Variants in TTC28 observed in about 807,000 individuals in gnomAD.
TTC28 encodes the protein tetratricopeptide repeat domain 28, also known as tetratricopeptide repeat protein 28.
Under a neutral mutation model 198.0 loss-of-function variants are expected in TTC28, and 61 were observed. The observed-to-expected ratio is 0.31, with a 90% CI of 0.25 to 0.38. TTC28 has a LOEUF of 0.38. TTC28 is among the 10% of genes least tolerant of loss of function. The pLI, the probability that TTC28 is intolerant of heterozygous loss-of-function variation, is 1.00. For missense variants in TTC28, 2,678 were observed against 3,164.0 expected (o/e 0.85, Z 3.69); for synonymous variants, 1,171 against 1,297.8 (o/e 0.90, Z 2.10).
chr22:28,347,732 T>G (rs774032262), intron 2 of TTC28, among the ~76,000 whole-genome samples: 4 of 152,002 alleles, frequency 2.6e-5, no homozygotes, highest in Non-Finnish European at 4.4e-5. Flanking sequence ...ATTAGCCAGG[T>G]GTGGTGGCAG....
chr22:28,144,660 G>A (rs1258403756), intron 6 of TTC28, among the ~76,000 whole-genome samples: 1 of 152,226 alleles, frequency 6.6e-6, no homozygotes, highest in Non-Finnish European at 1.5e-5. Context: ...GGCTTGCTAT[G>A]TGCTAAGCAC....
intron 2 of TTC28, among the ~76,000 whole-genome samples, chr22:28,407,149 C>T (rs1047145705): frequency 2.0e-5 from 3 of 152,034 alleles, no homozygotes; most frequent in African/African-American, 4.8e-5. Flanking sequence ...TTAAAAAAAG[C>T]GGGGACACAA....
chr22:28,663,613 A>G (rs1386439438), intron 1 of TTC28, among the ~76,000 whole-genome samples: 1 of 121,712 alleles, frequency 8.2e-6, no homozygotes. Context: ...GCGCACCACG[A>G]GACTATATCC....
intron 5 of TTC28, among the ~76,000 whole-genome samples, chr22:28,218,020 A>G (rs1370146956): frequency 6.6e-6 from 1 of 152,198 alleles, no homozygotes; most frequent in Non-Finnish European, 1.5e-5. Flanking sequence ...TGAAATATAT[A>G]TTTTTAAAAA....
At chr22:28,298,770 C>G (rs575388718) in intron 3 of TTC28, among the ~76,000 whole-genome samples, 3 of 152,034 alleles carry the variant, frequency 2.0e-5, no homozygotes, top group Non-Finnish European at 4.4e-5. Flanking sequence ...TGAATCTGAA[C>G]GACAGATTAA....
At chr22:27,984,808 A>G (rs1937155292) in intron 22 of TTC28, among the ~76,000 whole-genome samples, 1 of 152,150 alleles carries the variant, frequency 6.6e-6, no homozygotes, top group African/African-American at 2.4e-5. Context: ...GCAAACCATA[A>G]CCACCTTCCA....
chr22:28,516,669 T>C (rs2048793304), intron 2 of TTC28, among the ~76,000 whole-genome samples: 1 of 152,116 alleles, frequency 6.6e-6, no homozygotes, highest in Non-Finnish European at 1.5e-5. Context: ...AAATGATTAG[T>C]CGATGGGTGC....
At chr22:28,529,848 G>A (rs950543161) in intron 2 of TTC28, among the ~76,000 whole-genome samples, 1 of 152,134 alleles carries the variant, frequency 6.6e-6, no homozygotes, top group Admixed American at 6.6e-5. Context: ...GGTCCTGACT[G>A]TTAGAAGGAA....
In TTC28 at chr22:28,270,425, C is replaced by G. The variant is rs1269393542; in HGVS notation, c.933+25773G>C. 6.6e-5 allele frequency among the ~76,000 whole-genome samples: 10 copies of G among 152,050 alleles called. No homozygotes were observed. In the East Asian group the frequency reaches 1.9e-3, roughly 29 times the overall value. ...TATTAAATAGTAGCAATCCCTAGATCAGACATTGCCTAACAAATGTGCTTT... is the reference window on the plus strand; with the variant it reads ...TATTAAATAGTAGCAATCCCTAGATGAGACATTGCCTAACAAATGTGCTTT... On this transcript the variant is annotated intron_variant, in intron 5 of 22. Coordinates refer to ENST00000397906, the MANE Select transcript of TTC28 (RefSeq NM_001145418.2).
chr22:28,326,975 AAC>A (rs57349023), intron 2 of TTC28, among the ~76,000 whole-genome samples: 40,329 of 142,542 alleles, frequency 0.28, 5,760 homozygotes, highest in Non-Finnish European at 0.34. Flanking sequence ...CACAAACACA[AAC>A]ACACACACAC....
intron 5 of TTC28, among the ~76,000 whole-genome samples, chr22:28,223,915 G>A (rs1221471422): frequency 1.3e-5 from 2 of 152,182 alleles, no homozygotes; most frequent in African/African-American, 4.8e-5. Context: ...CCACGAGACT[G>A]ACTAATATTT....
intron 2 of TTC28, among the ~76,000 whole-genome samples, chr22:28,345,980 G>C (rs996470503): frequency 6.6e-5 from 10 of 152,174 alleles, no homozygotes; most frequent in African/African-American, 2.4e-4. Flanking sequence ...TCAGTCTTCA[G>C]AGTAGAAGTT....
chr22:28,474,511 C>G (rs1286570831), intron 2 of TTC28, among the ~76,000 whole-genome samples: 2 of 152,088 alleles, frequency 1.3e-5, no homozygotes, highest in African/African-American at 2.4e-5. Flanking sequence ...TGGGAGATAC[C>G]AGGTGTGGTT....
chr22:28,257,189 T>C (rs960502710), intron 5 of TTC28, among the ~76,000 whole-genome samples: 13 of 152,156 alleles, frequency 8.5e-5, no homozygotes, highest in Non-Finnish European at 1.3e-4. Flanking sequence ...GGGCAGAGTA[T>C]GGAAATTCCT....
At chr22:28,587,072 A>G (rs779919725) in intron 2 of TTC28, among the ~76,000 whole-genome samples, 35 of 152,146 alleles carry the variant, frequency 2.3e-4, no homozygotes, top group Non-Finnish European at 4.1e-4. Context: ...AAATACAAAA[A>G]TTAGCCGGGT....
intron 5 of TTC28, among the ~76,000 whole-genome samples, chr22:28,251,660 A>C (rs1248512832): frequency 6.6e-6 from 1 of 152,208 alleles, no homozygotes; most frequent in Non-Finnish European, 1.5e-5. Flanking sequence ...CGATTTATTT[A>C]ACCTTTTTGA....
intron 2 of TTC28, among the ~76,000 whole-genome samples, chr22:28,500,497 CTTATACAA>C (rs1050098475): frequency 6.6e-6 from 1 of 152,070 alleles, no homozygotes; most frequent in Non-Finnish European, 1.5e-5. Context: ...AAATATTTTT[CTTATACAA>C]GGATCCATAA....
chr22:28,451,901 T>C (rs1206589762), intron 2 of TTC28, among the ~76,000 whole-genome samples: 1 of 152,196 alleles, frequency 6.6e-6, no homozygotes, highest in South Asian at 2.1e-4. Flanking sequence ...TTAAAACTTA[T>C]CTGGAATAGA....
chr22:28,022,407 G>A (rs1938648180), intron 13 of TTC28, among the ~76,000 whole-genome samples: 1 of 152,228 alleles, frequency 6.6e-6, no homozygotes, highest in Non-Finnish European at 1.5e-5. Flanking sequence ...ACCTTCTCAG[G>A]ATGTCTTTAT....
Sources: gnomAD v4.1 joint callset for allele counts (sites outside exome capture counted in the v4.1 genomes callset) on GRCh38, gnomAD v4.1.1 for gene constraint, MANE v1.5 for transcripts, NCBI Gene and HGNC (gene_info 2026-07-23, HGNC 2026-07-21) for gene names.